The following BTBD8 variants were observed in gnomAD, a reference collection of about 807,000 sequenced individuals.
BTBD8 encodes BTB/POZ domain-containing protein 8.
Under a neutral mutation model 162.9 loss-of-function variants are expected in BTBD8, and 110 were observed. The observed-to-expected ratio is 0.68, with a 90% confidence interval of 0.58 to 0.79. The LOEUF is 0.79. BTBD8 is among the 30% of genes least tolerant of loss of function. The probability of loss-of-function intolerance (pLI) is 0.00; values close to 1 mark genes in which losing one functional copy is unlikely to be tolerated. For synonymous variants in BTBD8, 667 were observed against 716.1 expected (o/e 0.93, Z 1.10); for missense variants, 1,905 against 2,085.4 (o/e 0.91, Z 1.68).
At chr1:92,172,966 C>T (rs1417530383) in intron 13 of BTBD8, among the ~76,000 whole-genome samples, 1 of 152,176 alleles carries the variant, frequency 6.6e-6, no homozygotes, top group Non-Finnish European at 1.5e-5. Context: ...GCTCTTGTTG[C>T]CCAGGCTGGA....
At chr1:92,105,861 CTAAG>C (rs1036569830) in intron 3 of BTBD8, among the ~76,000 whole-genome samples, 3 of 152,162 alleles carry the variant, frequency 2.0e-5, no homozygotes, top group African/African-American at 4.8e-5. Flanking sequence ...TTGGTTATAA[CTAAG>C]TGTTTGCCTT....
intron 9 of BTBD8, among the ~76,000 whole-genome samples, chr1:92,151,641 C>T (rs1468686578): frequency 1.3e-5 from 2 of 152,028 alleles, no homozygotes; most frequent in Non-Finnish European, 2.9e-5. Flanking sequence ...GTGTACCCAT[C>T]ACCTGAACAA....
chr1:92,168,953 T>C lies in BTBD8; in HGVS notation c.1531T>C (p.Trp511Arg), dbSNP rs925037105. 2 of 1,543,146 alleles carry C rather than the reference T, an allele frequency of 1.3e-6. No individual in the cohort carries two copies. Among genetic ancestry groups the C allele is most frequent in the Non-Finnish European group, 1.8e-6 (2 of 1,140,802 alleles). Residue 511 changes from tryptophan to arginine, a missense_variant, in exon 12 of 18, where the codon TGG becomes CGG. By Grantham distance (101) the Trp-to-Arg change is moderately radical. This residue lies in a region of BTBD8 where 1,374 missense variants were observed against 1,442.7 expected (regional missense o/e 0.95). Coordinates refer to ENST00000636805, the MANE Select transcript of BTBD8 (RefSeq NM_001376131.1). The stretch of plus-strand genomic sequence containing the variant: ...CTATGCTGTTCGTCACACAGAAAGC[T>C]GGAAGCTGATGAGCACAGATGATCA... ...SFYAVRHTES[W>R]KLMSTDDQQK... is the part of the protein sequence containing the mutation.
rs377736956 is a variant in BTBD8, at chr1:92,131,316, C to T, written c.752+1540C>T. 3.3e-3 allele frequency among the ~76,000 whole-genome samples: 496 copies of T among 152,238 alleles called. 2 individuals are homozygous for T. Among genetic ancestry groups the T allele is most frequent in the African/African-American group, 0.011 (474 of 41,542 alleles). On this transcript the variant is annotated intron_variant, in intron 5 of 17. Coordinates refer to ENST00000636805, the MANE Select transcript of BTBD8 (RefSeq NM_001376131.1). ...AAACACAAAACATGAAAATACATGGCGTGGGCAATACATAGCAAAGATATG... is the reference window on the plus strand; with the variant it reads ...AAACACAAAACATGAAAATACATGGTGTGGGCAATACATAGCAAAGATATG...
rs754505116 is a variant in BTBD8 at position 92,184,223 on chromosome 1, A to T, written c.5272A>T (p.Thr1758Ser). Residue 1758 changes from threonine (T) to serine (S), a missense_variant, in exon 18 of 18, where the codon ACA (threonine) becomes TCA (serine). Physicochemically the swap from Thr to Ser is moderately conservative, Grantham distance 58 (BLOSUM62 1). Around this residue, in one of 3 missense-constraint regions of BTBD8, gnomAD observed 517 missense variants for 606.6 expected, o/e 0.85. Transcript: ENST00000636805. Reference protein sequence around the residue: ...IDTLNRWSELTSPLDSSASIT... With the variant: ...IDTLNRWSELSSPLDSSASIT... ...CACTTTGAACAGATGGAGTGAACTAACATCTCCACTTGATTCCTCAGCGAG... is the reference window on the plus strand; with the variant it reads ...CACTTTGAACAGATGGAGTGAACTATCATCTCCACTTGATTCCTCAGCGAG... 1.3e-6 allele frequency: 2 copies of T among 1,551,490 alleles called. No individual in the cohort carries two copies. The highest frequency in any genetic ancestry group is 1.7e-6 in the Non-Finnish European group (2 of 1,146,724).
chr1:92,136,944 AT>A (rs1372684314), intron 5 of BTBD8, among the ~76,000 whole-genome samples: 1 of 152,170 alleles, frequency 6.6e-6, no homozygotes, highest in African/African-American at 2.4e-5. Flanking sequence ...ACATTCAGTA[AT>A]TTTTTTTCAC....
intron 2 of BTBD8, among the ~76,000 whole-genome samples, chr1:92,099,522 T>C (rs1648533328): frequency 6.6e-6 from 1 of 152,172 alleles, no homozygotes; most frequent in South Asian, 2.1e-4. Flanking sequence ...AGTCATCTAA[T>C]CCGTGAACAC....
At chr1:92,092,369 G>A (rs542034601) in intron 2 of BTBD8, among the ~76,000 whole-genome samples, 26 of 149,114 alleles carry the variant, frequency 1.7e-4, no homozygotes, top group African/African-American at 5.2e-4. Flanking sequence ...CAGCACCAGC[G>A]TGGGCCTCAG....
chr1:92,160,142 A>G (rs765217038), intron 9 of BTBD8, among the ~76,000 whole-genome samples: 32 of 151,760 alleles, frequency 2.1e-4, no homozygotes, highest in Non-Finnish European at 4.0e-4. Context: ...TCTTTGATCT[A>G]GTCTGCTGTT....
At position 92,182,085 on chromosome 1, in the gene BTBD8, C is replaced by T; in HGVS notation, c.4402C>T (p.Pro1468Ser). The change falls in exon 17 of 18, where the codon CCT (proline) becomes TCT (serine). Residue 1468 changes from proline (P) to serine (S), a missense_variant. This residue lies in a region of BTBD8 where 517 missense variants were observed against 606.6 expected (regional missense o/e 0.85). Coordinates refer to ENST00000636805, the MANE Select transcript of BTBD8 (RefSeq NM_001376131.1). ...PFQASVDSFSPSDVFDGISHE... is the reference protein window; with the variant it reads ...PFQASVDSFSSSDVFDGISHE... ...TCAGGCTTCTGTAGATTCTTTTTCACCTTCTGATGTTTTTGATGGCATTTC... is the reference window on the plus strand; with the variant it reads ...TCAGGCTTCTGTAGATTCTTTTTCATCTTCTGATGTTTTTGATGGCATTTC... The T allele has an allele frequency of 6.4e-7, 1 of 1,551,548 alleles. No homozygotes were observed. The highest frequency in any genetic ancestry group is 1.2e-5 in the South Asian group (1 of 84,040).
intron 3 of BTBD8, 28 bp from the exon 4 acceptor site, chr1:92,107,856 T>G (rs777887509): frequency 6.4e-7 from 1 of 1,561,952 alleles, no homozygotes; most frequent in Non-Finnish European, 8.7e-7. Flanking sequence ...ATTAAACTAT[T>G]TTTTAGTCTT....
intron 13 of BTBD8, among the ~76,000 whole-genome samples, chr1:92,171,988 G>A (rs1475692155): frequency 6.6e-6 from 1 of 152,184 alleles, no homozygotes; most frequent in East Asian, 1.9e-4. Flanking sequence ...CTACTCGGGA[G>A]GCTGAGGGAG....
intron 2 of BTBD8, among the ~76,000 whole-genome samples, chr1:92,093,401 AGGTTGGTCT>A (rs1384378376): frequency 6.6e-6 from 1 of 152,090 alleles, no homozygotes; most frequent in East Asian, 1.9e-4. Context: ...CATGTTGGTC[AGGTTGGTCT>A]CGAACTCCCG....
At chr1:92,158,631 A>G (rs1650213410) in intron 9 of BTBD8, among the ~76,000 whole-genome samples, 1 of 152,212 alleles carries the variant, frequency 6.6e-6, no homozygotes, top group African/African-American at 2.4e-5. Context: ...ATTAAAAGTG[A>G]TTAATTCAGT....
chr1:92,138,059 G>A (rs1649674423), intron 5 of BTBD8, among the ~76,000 whole-genome samples: 1 of 152,166 alleles, frequency 6.6e-6, no homozygotes, highest in African/African-American at 2.4e-5. Context: ...AGTGAAGGCG[G>A]TAGGTAAGAC....
At position 92,157,481 on chromosome 1, in the gene BTBD8, G is replaced by A. The variant is rs145411266; in HGVS notation, c.1123-9477G>A. Among the ~76,000 whole-genome samples the A allele has an allele frequency of 6.1e-3, 933 of 152,160 alleles. 9 individuals carry two copies. Among genetic ancestry groups the A allele is most frequent in the South Asian group, 0.014 (68 of 4,818 alleles). On this transcript the variant is annotated intron_variant, in intron 9 of 17. Transcript: ENST00000636805. ...TTTCTCCATTGATTTTCTGTCTGAT[G>A]TATTCATTATTCTTATTTACTTATT...
chr1:92,140,445 A>G (rs1240090342), intron 6 of BTBD8, among the ~76,000 whole-genome samples: 1 of 152,182 alleles, frequency 6.6e-6, no homozygotes, highest in Non-Finnish European at 1.5e-5. Context: ...AATGAAAGCT[A>G]CTTTTTTAAT....
chr1:92,143,106 A>G (rs1468694026), intron 7 of BTBD8, among the ~76,000 whole-genome samples: 1 of 152,236 alleles, frequency 6.6e-6, no homozygotes, highest in Non-Finnish European at 1.5e-5. Context: ...AAAGTACTAG[A>G]ATCTGCCTAT....
At position 92,147,210 on chromosome 1, in the gene BTBD8, G is replaced by T. The variant is rs1649945548; in HGVS notation, c.961G>T (p.Glu321Ter). 8.7e-6 allele frequency: 14 copies of T among 1,612,242 alleles called. No individual in the cohort carries two copies. Among genetic ancestry groups the T allele is most frequent in the Non-Finnish European group, 1.1e-5 (13 of 1,179,102 alleles). The stretch of plus-strand genomic sequence containing the variant: ...TCCCAGAACATTGACGTCTATACTA[G>T]AATGCCTGATTATTGCTCATTCAGT... ...PVPRTLTSIL[E>*]CLIIAHSVGV... is the part of the protein sequence containing the mutation. Residue 321 changes from glutamate (E) to a stop codon, truncating the protein, a stop_gained, in exon 8 of 18, where the codon GAA (glutamate) becomes TAA (stop). Coordinates refer to ENST00000636805, the MANE Select transcript of BTBD8 (RefSeq NM_001376131.1). LOFTEE classifies it high-confidence loss of function.
Sources: allele counts gnomAD v4.1 joint callset (sites outside exome capture counted in the v4.1 genomes callset), GRCh38; gene constraint gnomAD v4.1.1; regional missense constraint gnomAD v4.1.1; transcripts MANE v1.5; gene names NCBI Gene and HGNC (gene_info 2026-07-23, HGNC 2026-07-21).